FRAS1: variants seen among roughly 807,000 people sequenced by gnomAD.
The protein encoded by FRAS1 is extracellular matrix organizing protein FRAS1.
Under a neutral mutation model 435.2 loss-of-function variants are expected in FRAS1, and 290 were observed. That is an observed-to-expected ratio of 0.67 (90% CI 0.61 to 0.73). The LOEUF is 0.73. Among genes scored for constraint, FRAS1 ranks in the 30% least tolerant of loss-of-function variants. The pLI, the probability that FRAS1 is intolerant of heterozygous loss-of-function variation, is 0.00. For synonymous variants in FRAS1, 1,800 were observed against 1,851.0 expected, an observed-to-expected ratio of 0.97 and a Z score of 0.71; for missense variants, 4,860 against 5,001.5, an observed-to-expected ratio of 0.97 and a Z score of 0.85.
chr4:78,445,622 A>G lies in FRAS1; in HGVS notation c.5766A>G (p.Glu1922=), dbSNP rs1384203446. ...TTTACTACTTTCAGAGTGTTCATGA[A>G]AGCATTGAGCCAACCCATGATATTT... The part of the protein sequence containing the change: ...NYIYYFQSVH[E]SIEPTHDIFS... The change falls in exon 42 of 74, where the codon GAA becomes GAG. Residue 1922 remains glutamate (E), a synonymous_variant. Coordinates refer to ENST00000512123, the MANE Select transcript of FRAS1 (RefSeq NM_025074.7). 6.2e-7 allele frequency: 1 copy of G among 1,613,932 alleles called. No individual in the cohort carries two copies.
chr4:78,521,533 A>G lies in FRAS1; in HGVS notation c.10551A>G (p.Thr3517=), dbSNP rs1375956414. ...TGCTTTCCTGCCCAGGAATCCAGAC[A>G]GACAGCGTGCTCTCTGCAAGGCTTC... The part of the protein sequence containing the change: ...DTVLWRTGIQ[T]DSVLSARLQI... The change falls in exon 68 of 74, where the codon ACA becomes ACG. Residue 3517 remains threonine (T), a synonymous_variant. Transcript: ENST00000512123. 6.2e-7 allele frequency: 1 copy of G among 1,608,836 alleles called. No homozygotes were observed. The highest frequency in any genetic ancestry group is 1.7e-5 in the Admixed American group (1 of 59,102).
chr4:78,149,549 T>C (rs1180145755), intron 2 of FRAS1, among the ~76,000 whole-genome samples: 1 of 152,206 alleles, frequency 6.6e-6, no homozygotes, highest in Non-Finnish European at 1.5e-5. Context: ...TACATGCATA[T>C]ATTTTTTTCT....
Position 78,105,907 on chromosome 4 carries a change from G to A in FRAS1, c.108+39891G>A, listed in dbSNP as rs1191693287. 3.7e-5 allele frequency among the ~76,000 whole-genome samples: 5 copies of A among 136,484 alleles called. 1 individual carries two copies. The South Asian group carries it at 6.7e-4, about 18-fold the overall frequency. The allele number at this position is 136,484 out of a possible 152,430, so 89.5% of individuals were successfully genotyped here. ...TGTGTGCGCGCACCGTGCGCGAGCC[G>A]AAGCAGGGCAAGGCATTGCCCCACT... On this transcript the variant is annotated intron_variant, in intron 2 of 73. Transcript: ENST00000512123.
At chr4:78,180,218 AT>A (rs901476430) in intron 2 of FRAS1, among the ~76,000 whole-genome samples, 15 of 150,600 alleles carry the variant, frequency 1.0e-4, no homozygotes, top group South Asian at 8.4e-4. Context: ...GGGGAAGCAG[AT>A]TTTTTTTTTC....
chr4:78,518,424 A>ATATATATATATATATATATG (rs1553894813), intron 66 of FRAS1, among the ~76,000 whole-genome samples: 6 of 16,720 alleles, frequency 3.6e-4, no homozygotes, highest in African/African-American at 5.6e-4. Flanking sequence ...TTTGTTGTGT[A>ATATATATATATATATATATG]TATATATATA....
intron 2 of FRAS1, among the ~76,000 whole-genome samples, chr4:78,164,521 CA>C (rs1206138481): frequency 6.6e-6 from 1 of 151,830 alleles, no homozygotes; most frequent in Non-Finnish European, 1.5e-5. Context: ...TTATATAAAA[CA>C]CTAAAATTCT....
At chr4:78,418,168 C>T (rs1021102274) in intron 32 of FRAS1, among the ~76,000 whole-genome samples, 3 of 152,200 alleles carry the variant, frequency 2.0e-5, no homozygotes, top group Admixed American at 2.0e-4. Context: ...TCACTGGGTC[C>T]TGAAAGCTGG....
chr4:78,148,429 T>C (rs1431262427), intron 2 of FRAS1, among the ~76,000 whole-genome samples: 1 of 152,186 alleles, frequency 6.6e-6, no homozygotes, highest in Admixed American at 6.5e-5. Flanking sequence ...TACAACAGAA[T>C]AGTTTAAACT....
rs1721134163 is a variant in FRAS1, at chr4:78,161,480, G to A, written c.109-76030G>A. On this transcript the variant is annotated intron_variant, in intron 2 of 73. Coordinates refer to ENST00000512123, the MANE Select transcript of FRAS1 (RefSeq NM_025074.7). ...ATTATAGCACCTCCCTTGGATGATT[G>A]TTTTGGTGATTAAATGGAATAATCT... Among the ~76,000 whole-genome samples, 3 of 151,968 alleles carry A rather than the reference G, an allele frequency of 2.0e-5. No homozygotes were observed. In the South Asian group the frequency reaches 6.2e-4, roughly 31 times the overall value.
Position 78,130,954 on chromosome 4 carries a change from A to G in FRAS1, c.108+64938A>G, listed in dbSNP as rs373397506. Among the ~76,000 whole-genome samples the G allele has an allele frequency of 4.0e-4, 61 of 152,320 alleles. 2 individuals are homozygous for G. The highest frequency in any genetic ancestry group is 1.4e-3 in the African/African-American group (59 of 41,584). Reference sequence around the variant, plus strand: ...GCCTGATGCTTTACTGTTAATAGCTATTATTTCCACTAGCCATCAAGCTGT... The same window carrying G: ...GCCTGATGCTTTACTGTTAATAGCTGTTATTTCCACTAGCCATCAAGCTGT... On this transcript the variant is annotated intron_variant, in intron 2 of 73. Coordinates refer to ENST00000512123, the MANE Select transcript of FRAS1 (RefSeq NM_025074.7).
chr4:78,117,375 G>T (rs1718659874), intron 2 of FRAS1, among the ~76,000 whole-genome samples: 1 of 152,094 alleles, frequency 6.6e-6, no homozygotes, highest in South Asian at 2.1e-4. Context: ...TTGAATGTTG[G>T]CCTGCCTTGC....
At chr4:78,139,805 G>T (rs188702269) in intron 2 of FRAS1, among the ~76,000 whole-genome samples, 1 of 152,160 alleles carries the variant, frequency 6.6e-6, no homozygotes, top group Non-Finnish European at 1.5e-5. Flanking sequence ...TCCTGCCTCC[G>T]TTTAGCTTAC....
At chr4:78,112,160 A>C (rs1228517757) in intron 2 of FRAS1, among the ~76,000 whole-genome samples, 2 of 152,170 alleles carry the variant, frequency 1.3e-5, no homozygotes, top group African/African-American at 4.8e-5. Flanking sequence ...AGGAGAAAGG[A>C]AAAATGTCTA....
At chr4:78,379,669 G>A (rs1560692525) in intron 26 of FRAS1, 57 bp from the exon 27 acceptor site, 15 of 1,523,650 alleles carry the variant, frequency 9.8e-6, no homozygotes, top group Middle Eastern at 4.5e-4. Flanking sequence ...TAAGGGGAAA[G>A]TGACCTAATT....
intron 2 of FRAS1, among the ~76,000 whole-genome samples, chr4:78,154,872 G>A (rs527445809): frequency 1.1e-4 from 17 of 152,306 alleles, no homozygotes; most frequent in Admixed American, 1.0e-3. Context: ...TCTAGCAGCA[G>A]ATAATTGATT....
chr4:78,390,470 A>G (rs1044817604), intron 29 of FRAS1, among the ~76,000 whole-genome samples: 2 of 152,192 alleles, frequency 1.3e-5, no homozygotes, highest in Non-Finnish European at 2.9e-5. Context: ...TCTGCCTCCT[A>G]CATTTAACCA....
At chr4:78,065,897 G>A in intron 1 of FRAS1, 88 bp from the exon 2 acceptor site, 1 of 932,744 alleles carries the variant, frequency 1.1e-6, no homozygotes, top group South Asian at 1.4e-5. Context: ...GATGCATATA[G>A]ATGCAGTTTT....
At chr4:78,061,815 C>T (rs899630257) in intron 1 of FRAS1, among the ~76,000 whole-genome samples, 20 of 152,144 alleles carry the variant, frequency 1.3e-4, no homozygotes, top group African/African-American at 4.8e-4. Flanking sequence ...AAAAAACCTC[C>T]TGCGCTCAAG....
At position 78,400,903 on chromosome 4, in the gene FRAS1, T is replaced by G; in HGVS notation, c.4129+16T>G. 1 of 1,612,250 alleles carries G rather than the reference T, an allele frequency of 6.2e-7. No homozygotes were observed. Among genetic ancestry groups the G allele is most frequent in the East Asian group, 2.2e-5 (1 of 44,836 alleles). On this transcript the variant is annotated intron_variant, in intron 30 of 73. Coordinates refer to ENST00000512123, the MANE Select transcript of FRAS1 (RefSeq NM_025074.7). ...CCCCAGTTTGGTAACTATTTTTTCC[T>G]TTGGCGTGGTTTCATCGTTGCATTC...
Sources: gnomAD v4.1 joint callset for allele counts (sites outside exome capture counted in the v4.1 genomes callset) on GRCh38, gnomAD v4.1.1 for gene constraint, MANE v1.5 for transcripts, NCBI Gene and HGNC (gene_info 2026-07-23, HGNC 2026-07-21) for gene names.